FUT8: variants seen among roughly 807,000 people sequenced by gnomAD.
The protein encoded by FUT8 is fucosyltransferase 8.
In FUT8, 29 loss-of-function variants were observed where a neutral mutation model predicts 71.3. The observed-to-expected ratio is 0.41, with a 90% CI of 0.30 to 0.55. The LOEUF (loss-of-function observed/expected upper bound fraction) is 0.55, where lower values mean the gene tolerates loss of function less well. FUT8 is among the 20% of genes least tolerant of loss of function. The pLI is 0.34. For missense variants in FUT8, 544 were observed against 702.1 expected, an observed-to-expected ratio of 0.77 and a Z score of 2.55; for synonymous variants, 254 against 239.3, an observed-to-expected ratio of 1.06 and a Z score of -0.57.
chr14:65,609,686 T>TAA (rs1888778784), intron 3 of FUT8, among the ~76,000 whole-genome samples: 1 of 151,934 alleles, frequency 6.6e-6, no homozygotes, highest in East Asian at 1.9e-4. Context: ...AAACTTTTTT[T>TAA]AAATTTTTTA....
Position 65,638,017 on chromosome 14 carries a change from G to A in FUT8, c.597+8411G>A, listed in dbSNP as rs1890648805. On this transcript the variant is annotated intron_variant, in intron 6 of 10. Coordinates refer to ENST00000673929, the MANE Select transcript of FUT8 (RefSeq NM_001371533.1). This position sits in a 1 kb window ranked among gnomAD's most constrained non-coding sequence, Gnocchi z 4.5. ...GTCATGTTAATGACATAATGAGCTT[G>A]GTCAAGTTAACAACATTTAGGTTGA... Among the ~76,000 whole-genome samples the A allele has an allele frequency of 6.6e-6, 1 of 152,188 alleles. No homozygotes were observed. The highest frequency in any genetic ancestry group is 2.1e-4 in the South Asian group (1 of 4,824).
chr14:65,580,768 A>G (rs1887048364), intron 3 of FUT8, among the ~76,000 whole-genome samples: 1 of 152,050 alleles, frequency 6.6e-6, no homozygotes, highest in African/African-American at 2.4e-5. Flanking sequence ...ATCTTATATG[A>G]AAGATTATCT....
intron 6 of FUT8, among the ~76,000 whole-genome samples, chr14:65,662,940 TATC>T (rs1892038519): frequency 6.6e-6 from 1 of 152,240 alleles, no homozygotes; most frequent in Non-Finnish European, 1.5e-5. Context: ...AAACTTGAAT[TATC>T]ATTATTGCAA....
chr14:65,399,217 T>C, the FUT8 span, among the ~76,000 whole-genome samples: 2 of 152,050 alleles, frequency 1.3e-5, no homozygotes, highest in African/African-American at 4.8e-5. Context: ...CTCAGGAGGC[T>C]AAGGCAGGAG....
chr14:65,479,792 A>G (rs1207890523), intron 2 of FUT8: 1 of 152,208 alleles, frequency 6.6e-6, no homozygotes, highest in Non-Finnish European at 1.5e-5. Flanking sequence ...AAGGTGGGGT[A>G]ATTTTGATTA....
intron 9 of FUT8, among the ~76,000 whole-genome samples, chr14:65,731,928 C>G (rs1232229481): frequency 6.6e-6 from 1 of 152,204 alleles, no homozygotes; most frequent in Non-Finnish European, 1.5e-5. Flanking sequence ...CAAAGTTAGT[C>G]TTTATTCAAG....
the FUT8 span, among the ~76,000 whole-genome samples, chr14:65,401,220 A>G: frequency 6.6e-6 from 1 of 152,196 alleles, no homozygotes; most frequent in East Asian, 1.9e-4. Flanking sequence ...GAAGGAGGGA[A>G]TGGTAAGATC....
chr14:65,396,111 A>G, the FUT8 span, among the ~76,000 whole-genome samples: 1 of 152,188 alleles, frequency 6.6e-6, no homozygotes, highest in African/African-American at 2.4e-5. The surrounding 1 kb of genome is among the most constrained non-coding windows in gnomAD (Gnocchi z 5.5). Context: ...CATTATCCAC[A>G]TCACTATCAG....
At chr14:65,734,367 A>G (rs1010230339) in intron 10 of FUT8, among the ~76,000 whole-genome samples, 2 of 152,196 alleles carry the variant, frequency 1.3e-5, no homozygotes, top group Non-Finnish European at 2.9e-5. Context: ...TTATATGACA[A>G]TACACATTGT....
At chr14:65,704,545 A>T (rs1357471297) in intron 7 of FUT8, among the ~76,000 whole-genome samples, 7 of 149,626 alleles carry the variant, frequency 4.7e-5, no homozygotes, top group Non-Finnish European at 1.0e-4. Flanking sequence ...TAACTTATTT[A>T]AAAAAAATAG....
At chr14:65,534,405 A>G (rs1884154067) in intron 2 of FUT8, among the ~76,000 whole-genome samples, 1 of 151,858 alleles carries the variant, frequency 6.6e-6, no homozygotes, top group Admixed American at 6.6e-5. Flanking sequence ...TAGTATCATC[A>G]TGATGCTGGC....
At chr14:65,360,734 T>G in the FUT8 span, among the ~76,000 whole-genome samples, 1 of 152,228 alleles carries the variant, frequency 6.6e-6, no homozygotes, top group Non-Finnish European at 1.5e-5. Flanking sequence ...CTTATAGCCC[T>G]CAAATGCTAT....
chr14:65,482,430 A>G (rs963255427), intron 2 of FUT8, among the ~76,000 whole-genome samples: 3 of 152,114 alleles, frequency 2.0e-5, no homozygotes, highest in African/African-American at 7.2e-5. Context: ...TTCCTCTTAC[A>G]TGACAAGAAG....
chr14:65,688,534 A>C (rs1893416222), intron 7 of FUT8, among the ~76,000 whole-genome samples: 1 of 151,216 alleles, frequency 6.6e-6, no homozygotes, highest in Non-Finnish European at 1.5e-5. Flanking sequence ...AAAAAAAAAA[A>C]AAAAAAAAAA....
chr14:65,498,887 A>G (rs1001131210), intron 2 of FUT8, among the ~76,000 whole-genome samples: 3 of 152,296 alleles, frequency 2.0e-5, no homozygotes, highest in Non-Finnish European at 2.9e-5. Flanking sequence ...GACTAAATTT[A>G]TGTCATGCCT....
chr14:65,526,297 G>A (rs555225717), intron 2 of FUT8, among the ~76,000 whole-genome samples: 6 of 152,126 alleles, frequency 3.9e-5, no homozygotes, highest in African/African-American at 1.2e-4. Flanking sequence ...TGTTGAATTG[G>A]TACCTTTACC....
chr14:65,697,819 CA>C (rs1355138593), intron 7 of FUT8, among the ~76,000 whole-genome samples: 1 of 152,008 alleles, frequency 6.6e-6, no homozygotes, highest in African/African-American at 2.4e-5. Context: ...ACTAAAAATA[CA>C]AACAATTAGC....
intron 2 of FUT8, among the ~76,000 whole-genome samples, chr14:65,512,990 C>G (rs868357557): frequency 6.6e-6 from 1 of 151,370 alleles, no homozygotes; most frequent in African/African-American, 2.4e-5. Flanking sequence ...CTCTTTCTTT[C>G]CTTTAGAGCT....
intron 1 of FUT8, among the ~76,000 whole-genome samples, chr14:65,426,599 C>G (rs1443170309): frequency 6.6e-6 from 1 of 152,106 alleles, no homozygotes; most frequent in Non-Finnish European, 1.5e-5. Context: ...CTCCATATCC[C>G]GTCCTTGATG....
Sources: gnomAD v4.1 joint callset for allele counts (sites outside exome capture counted in the v4.1 genomes callset) on GRCh38, gnomAD v4.1.1 for gene constraint, Gnocchi (gnomAD v3.1) non-coding constraint, MANE v1.5 for transcripts, NCBI Gene and HGNC (gene_info 2026-07-23, HGNC 2026-07-21) for gene names.